CACNA1B: variants seen among roughly 807,000 people sequenced by gnomAD.
CACNA1B encodes calcium voltage-gated channel subunit alpha1 B, also known as voltage-dependent N-type calcium channel subunit alpha-1B.
Under a neutral mutation model 247.2 loss-of-function variants are expected in CACNA1B, and 70 were observed. The observed-to-expected ratio is 0.28, with a 90% CI of 0.23 to 0.35. The LOEUF is 0.35. Ranked by LOEUF, CACNA1B falls within the 10% of genes least tolerant of loss-of-function variation. The probability of loss-of-function intolerance (pLI) is 1.00; values close to 1 mark genes in which losing one functional copy is unlikely to be tolerated. For missense variants in CACNA1B, 2,367 were observed against 3,197.4 expected (o/e 0.74, Z 6.26); for synonymous variants, 1,231 against 1,294.4 (o/e 0.95, Z 1.05).
At chr9:138,061,707 A>G (rs1959731185) in intron 31 of CACNA1B, among the ~76,000 whole-genome samples, 1 of 152,204 alleles carries the variant, frequency 6.6e-6, no homozygotes, top group South Asian at 2.1e-4. Context: ...GGTACTGCAC[A>G]AGGAAAGGCA....
chr9:137,970,007 G>A (rs1958127106), intron 10 of CACNA1B, among the ~76,000 whole-genome samples: 1 of 151,996 alleles, frequency 6.6e-6, no homozygotes, highest in South Asian at 2.1e-4. Context: ...CATAGCACAC[G>A]AGCTATGAGA....
chr9:138,119,784 A>G (rs563732404), intron 44 of CACNA1B, among the ~76,000 whole-genome samples: 2 of 151,990 alleles, frequency 1.3e-5, no homozygotes, highest in Non-Finnish European at 2.9e-5. Flanking sequence ...GGGAGGGCCT[A>G]CCCGTCCCAG....
Position 137,971,568 on chromosome 9 carries a change from C to T in CACNA1B, c.1519C>T (p.Pro507Ser), listed in dbSNP as rs1330069630. The change falls in exon 11 of 47, where the codon CCG (proline) becomes TCG (serine). Residue 507 changes from proline to serine, a missense_variant. This residue lies in a region of CACNA1B where 219 missense variants were observed against 297.6 expected (regional missense o/e 0.74). Transcript: ENST00000371372. This position sits in a 1 kb window ranked among gnomAD's most constrained non-coding sequence, Gnocchi z 4.4. ...LCVAMVHYNQ[P>S]RRLTTTLYFA... ...TGTGGCCATGGTGCATTACAACCAG[C>T]CGCGGCGGCTTACCACGACCCTGTG... The T allele has an allele frequency of 3.1e-6, 5 of 1,613,242 alleles. No homozygotes were observed. The highest frequency in any genetic ancestry group is 4.2e-6 in the Non-Finnish European group (5 of 1,179,616).
intron 10 of CACNA1B, among the ~76,000 whole-genome samples, chr9:137,963,624 A>C (rs117690117): frequency 0.03 from 4,636 of 152,246 alleles, 111 homozygotes; most frequent in South Asian, 0.073. Context: ...GTTGAACTCC[A>C]GACCTCAAAT....
chr9:138,069,008 G>A (rs367979272), intron 31 of CACNA1B, among the ~76,000 whole-genome samples: 1 of 152,198 alleles, frequency 6.6e-6, no homozygotes, highest in East Asian at 1.9e-4. Flanking sequence ...GGCAGCCCCT[G>A]CCAACCCTGG....
intron 20 of CACNA1B, among the ~76,000 whole-genome samples, chr9:138,033,548 G>C (rs113934655): frequency 6.6e-6 from 1 of 152,132 alleles, no homozygotes; most frequent in Non-Finnish European, 1.5e-5. Context: ...GTGATGCCAC[G>C]CCAGCAAGTA....
chr9:138,015,211 C>T (rs907469721), intron 18 of CACNA1B, among the ~76,000 whole-genome samples: 3 of 152,198 alleles, frequency 2.0e-5, no homozygotes, highest in Admixed American at 6.5e-5. Context: ...TGTCAGCCCC[C>T]ATGGTCCCTG....
chr9:137,914,670 C>A lies in CACNA1B; in HGVS notation c.639C>A (p.Leu213=). 1 of 1,613,900 alleles carries A rather than the reference C, an allele frequency of 6.2e-7. No homozygotes were observed. Among genetic ancestry groups the A allele is most frequent in the Non-Finnish European group, 8.5e-7 (1 of 1,179,824 alleles). ...VSGIPSLQVV[L]KSIMKAMVPL... ...TGGCCCCAGGTTTGCAGGTGGTGCT[C>A]AAGTCCATCATGAAGGCCATGGTTC... Residue 213 remains leucine, a synonymous_variant, in exon 5 of 47, where the codon CTC becomes CTA. Coordinates refer to ENST00000371372, the MANE Select transcript of CACNA1B (RefSeq NM_000718.4). This position sits in a 1 kb window ranked among gnomAD's most constrained non-coding sequence, Gnocchi z 4.3.
intron 19 of CACNA1B, among the ~76,000 whole-genome samples, 171 bp downstream of exon 19, chr9:138,023,982 G>A (rs895490735): frequency 5.9e-5 from 9 of 152,216 alleles, no homozygotes; most frequent in African/African-American, 2.2e-4. Flanking sequence ...GTGGGGTGGT[G>A]ACAATCCTGC....
At chr9:137,918,262 C>T (rs1957439905) in intron 6 of CACNA1B, among the ~76,000 whole-genome samples, 1 of 151,996 alleles carries the variant, frequency 6.6e-6, no homozygotes, top group Admixed American at 6.6e-5. Flanking sequence ...GCCTGGGTCC[C>T]TTCTTGGTGG....
chr9:137,910,812 G>A (rs1957351870), intron 3 of CACNA1B, among the ~76,000 whole-genome samples: 2 of 152,112 alleles, frequency 1.3e-5, no homozygotes, highest in African/African-American at 4.8e-5. Context: ...TTCCTAACAG[G>A]CCACAGAACA....
chr9:138,003,892 G>A (rs1958613773), intron 15 of CACNA1B, among the ~76,000 whole-genome samples: 1 of 151,280 alleles, frequency 6.6e-6, no homozygotes, highest in Non-Finnish European at 1.5e-5. Context: ...AAAGCGCTAG[G>A]ACTACAGACG....
chr9:137,884,936 C>T (rs185926950), intron 3 of CACNA1B, among the ~76,000 whole-genome samples: 1 of 121,508 alleles, frequency 8.2e-6, no homozygotes, highest in African/African-American at 3.3e-5. Context: ...CATCTCTCTC[C>T]CTCTCCCTCC....
chr9:138,033,755 C>A (rs10867095), intron 20 of CACNA1B, among the ~76,000 whole-genome samples: 21,669 of 152,052 alleles, frequency 0.14, 4,255 homozygotes, highest in African/African-American at 0.44. Context: ...GCGCAAGACA[C>A]TTAATAAGAC....
chr9:137,924,299 GCCTT>G (rs200024742), intron 6 of CACNA1B, among the ~76,000 whole-genome samples: 4 of 150,044 alleles, frequency 2.7e-5, no homozygotes, highest in African/African-American at 7.4e-5. Flanking sequence ...TTGCCTGCCT[GCCTT>G]CCTTCCTTCC....
At position 137,990,993 on chromosome 9, in the gene CACNA1B, C is replaced by A. The variant is rs1958425804; in HGVS notation, c.1974+4139C>A. Among the ~76,000 whole-genome samples, 1 of 152,108 alleles carries A rather than the reference C, an allele frequency of 6.6e-6. No individual in the cohort carries two copies. The highest frequency in any genetic ancestry group is 1.5e-5 in the Non-Finnish European group (1 of 68,026). On this transcript the variant is annotated intron_variant, in intron 15 of 46. Transcript: ENST00000371372. This position sits in a 1 kb window ranked among gnomAD's most constrained non-coding sequence, Gnocchi z 4.5. ...CCCTCTGGTTCCAAATGAGAAGGAA[C>A]CAGGAAAACAATTCTGGTAATATGA...
intron 15 of CACNA1B, 39 bp from the exon 16 acceptor site, chr9:138,006,728 G>A: frequency 2.5e-6 from 3 of 1,196,390 alleles, no homozygotes; most frequent in Middle Eastern, 1.9e-4. Context: ...GGGGAAGGCG[G>A]CCATGGGGGC....
At position 138,121,712 on chromosome 9, in the gene CACNA1B, A is replaced by C; in HGVS notation, c.6733A>C (p.Ser2245Arg). 4.3e-6 allele frequency: 7 copies of C among 1,613,190 alleles called. No individual in the cohort carries two copies. The highest frequency in any genetic ancestry group is 5.9e-6 in the Non-Finnish European group (7 of 1,179,784). The change falls in exon 47 of 47, where the codon AGC (serine) becomes CGC (arginine). Residue 2245 changes from serine to arginine, a missense_variant. Transcript: ENST00000371372. The surrounding 1 kb of genome is among the most constrained non-coding windows in gnomAD (Gnocchi z 6.8). ...HNALLQRDPL[S>R]QPLAPGSRIG... ...CGCCCTGCTGCAGAGAGACCCCCTC[A>C]GCCAGCCCCTGGCCCCTGGCTCTCG...
intron 36 of CACNA1B, among the ~76,000 whole-genome samples, chr9:138,087,664 G>A (rs1236572281): frequency 4.1e-5 from 5 of 122,742 alleles, no homozygotes; most frequent in South Asian, 2.6e-4. Context: ...GCAGTGAGCC[G>A]AGATCATACC....
Sources: gnomAD v4.1 joint callset for allele counts (sites outside exome capture counted in the v4.1 genomes callset) on GRCh38, gnomAD v4.1.1 for gene constraint, gnomAD v4.1.1 regional missense constraint, Gnocchi (gnomAD v3.1) non-coding constraint, MANE v1.5 for transcripts, NCBI Gene and HGNC (gene_info 2026-07-23, HGNC 2026-07-21) for gene names.